STPG2: variants seen among roughly 807,000 people sequenced by gnomAD.
The protein encoded by STPG2 is sperm tail PG-rich repeat containing 2, also known as sperm-tail PG-rich repeat-containing protein 2.
In STPG2, 56 loss-of-function variants were observed where a neutral mutation model predicts 54.2. The ratio of observed to expected loss-of-function variants is 1.03; its 90% confidence interval spans 0.83 to 1.29. The LOEUF is 1.29. Ranked by LOEUF, STPG2 falls within the 50% of genes most tolerant of loss-of-function variation. The probability of loss-of-function intolerance (pLI) is 0.00; values close to 1 mark genes in which losing one functional copy is unlikely to be tolerated. For missense variants in STPG2, 596 were observed against 544.9 expected, an observed-to-expected ratio of 1.09 and a Z score of -0.93; for synonymous variants, 200 against 181.8, an observed-to-expected ratio of 1.10 and a Z score of -0.81.
intron 4 of STPG2, among the ~76,000 whole-genome samples, chr4:98,107,619 C>T (rs942056357): frequency 3.3e-4 from 50 of 152,156 alleles, no homozygotes; most frequent in African/African-American, 1.2e-3. Context: ...AATCAGTTAA[C>T]ACTGCTTACA....
At chr4:97,443,828 G>A (rs116055011) in intron 4 of STPG2, among the ~76,000 whole-genome samples, 270 of 152,206 alleles carry the variant, frequency 1.8e-3, no homozygotes, top group African/African-American at 6.3e-3. Flanking sequence ...CATGTCAGGA[G>A]ATATAATCAA....
intron 4 of STPG2, among the ~76,000 whole-genome samples, chr4:97,553,171 G>T (rs752490868): frequency 3.9e-5 from 6 of 152,298 alleles, no homozygotes; most frequent in Non-Finnish European, 5.9e-5. Context: ...TAATAGCAAG[G>T]ATCTGGGAGA....
chr4:97,801,526 G>C (rs1727397495), intron 9 of STPG2, among the ~76,000 whole-genome samples: 1 of 152,182 alleles, frequency 6.6e-6, no homozygotes, highest in Admixed American at 6.5e-5. Flanking sequence ...TAATATAGAA[G>C]CTATGGTGAG....
chr4:97,738,474 G>A (rs558043492), intron 9 of STPG2, among the ~76,000 whole-genome samples: 13 of 152,190 alleles, frequency 8.5e-5, no homozygotes, highest in African/African-American at 2.6e-4. Context: ...CCCATCTCAC[G>A]TGCAGAGACA....
chr4:98,014,569 T>C (rs911881582), intron 5 of STPG2, among the ~76,000 whole-genome samples: 6 of 152,206 alleles, frequency 3.9e-5, no homozygotes, highest in South Asian at 2.1e-4. Flanking sequence ...ACTGTTTATA[T>C]TATGTATCAT....
At chr4:97,995,856 T>C (rs1360701345) in intron 5 of STPG2, among the ~76,000 whole-genome samples, 2 of 152,028 alleles carry the variant, frequency 1.3e-5, no homozygotes, top group Non-Finnish European at 2.9e-5. Context: ...AAGGAAGGCA[T>C]GGTGGGAGGT....
chr4:97,730,463 T>C (rs1156687152), intron 9 of STPG2, among the ~76,000 whole-genome samples: 1 of 152,200 alleles, frequency 6.6e-6, no homozygotes, highest in African/African-American at 2.4e-5. Flanking sequence ...GTGATGAACA[T>C]ATGGATGCAT....
At chr4:97,723,336 G>A (rs1170477779) in intron 9 of STPG2, among the ~76,000 whole-genome samples, 4 of 151,936 alleles carry the variant, frequency 2.6e-5, no homozygotes, top group Non-Finnish European at 5.9e-5. Context: ...AAAGGGGGGA[G>A]GGAGGGGTTA....
chr4:97,697,081 C>T (rs1723600468), intron 10 of STPG2, among the ~76,000 whole-genome samples: 1 of 152,122 alleles, frequency 6.6e-6, no homozygotes, highest in South Asian at 2.1e-4. Context: ...GTCTGCATGC[C>T]ACAGCCACAC....
intron 8 of STPG2, among the ~76,000 whole-genome samples, chr4:97,902,706 T>C (rs571108270): frequency 2.1e-4 from 32 of 152,222 alleles, no homozygotes; most frequent in South Asian, 2.1e-3. Flanking sequence ...GGTATGTAAA[T>C]TGGTACAGTC....
At chr4:97,464,887 TA>T (rs1055708442) in intron 4 of STPG2, among the ~76,000 whole-genome samples, 3 of 152,160 alleles carry the variant, frequency 2.0e-5, no homozygotes, top group Admixed American at 6.5e-5. Flanking sequence ...CATACACCCT[TA>T]AAAAAAGTCA....
chr4:97,971,452 C>T (rs1051295527), intron 7 of STPG2, among the ~76,000 whole-genome samples: 18 of 152,084 alleles, frequency 1.2e-4, no homozygotes, highest in African/African-American at 4.1e-4. Context: ...CACATATACA[C>T]CATGGAATAC....
At chr4:97,471,791 A>G (rs1350240774) in intron 4 of STPG2, among the ~76,000 whole-genome samples, 1 of 152,230 alleles carries the variant, frequency 6.6e-6, no homozygotes. Context: ...AATATTATAA[A>G]TACAATATGA....
intron 9 of STPG2, among the ~76,000 whole-genome samples, chr4:97,786,451 T>C (rs1400568512): frequency 2.0e-5 from 3 of 152,146 alleles, no homozygotes; most frequent in African/African-American, 7.2e-5. Flanking sequence ...CAGTTTTCAG[T>C]CTTTGCATTG....
At chr4:97,614,813 T>TA (rs1380429821) in intron 10 of STPG2, among the ~76,000 whole-genome samples, 7 of 152,296 alleles carry the variant, frequency 4.6e-5, no homozygotes, top group Admixed American at 3.3e-4. Flanking sequence ...TTGATACCCA[T>TA]AACATGGAAA....
chr4:97,962,120 C>T (rs749825586), intron 7 of STPG2, among the ~76,000 whole-genome samples: 4 of 152,146 alleles, frequency 2.6e-5, no homozygotes, highest in Non-Finnish European at 5.9e-5. Flanking sequence ...GAAAACCAAA[C>T]ATCTTATGTT....
intron 10 of STPG2, among the ~76,000 whole-genome samples, chr4:97,603,722 T>C (rs1006876597): frequency 3.3e-5 from 5 of 151,652 alleles, no homozygotes; most frequent in African/African-American, 9.7e-5. Flanking sequence ...GTAAGTAAAA[T>C]AAGTCAGTCA....
At chr4:98,002,810 C>A (rs1053169847) in intron 5 of STPG2, among the ~76,000 whole-genome samples, 3 of 152,012 alleles carry the variant, frequency 2.0e-5, no homozygotes, top group African/African-American at 7.2e-5. Flanking sequence ...TTTTAAAGTG[C>A]ACACTCATTA....
intron 5 of STPG2, among the ~76,000 whole-genome samples, chr4:97,985,608 A>G (rs1734805513): frequency 6.6e-6 from 1 of 152,046 alleles, no homozygotes; most frequent in Non-Finnish European, 1.5e-5. Context: ...TTCTATCTTA[A>G]TCACTTATAT....
Sources: allele counts gnomAD v4.1 joint callset (sites outside exome capture counted in the v4.1 genomes callset), GRCh38; gene constraint gnomAD v4.1.1; transcripts MANE v1.5; gene names NCBI Gene and HGNC (gene_info 2026-07-23, HGNC 2026-07-21).